Variants in RMDN2 observed in about 807,000 individuals in gnomAD.
RMDN2 encodes regulator of microtubule dynamics protein 2.
A neutral mutation model predicts 52.8 loss-of-function variants in RMDN2; 61 were observed. The ratio of observed to expected loss-of-function variants is 1.16; its 90% CI spans 0.94 to 1.43. RMDN2 has a LOEUF of 1.43. RMDN2 is among the 40% of genes most tolerant of loss of function. RMDN2 has a pLI of 0.00. For synonymous variants in RMDN2, 180 were observed against 153.1 expected (o/e 1.18, Z -1.30); for missense variants, 592 against 475.3 (o/e 1.25, Z -2.28).
chr2:37,981,098 C>A (rs1384320689), intron 4 of RMDN2, among the ~76,000 whole-genome samples, 185 bp from the exon 5 acceptor site: 1 of 152,100 alleles, frequency 6.6e-6, no homozygotes, highest in Non-Finnish European at 1.5e-5. Context: ...ATTATTGGGC[C>A]CCAATCCCAC....
chr2:37,935,811 C>A (rs1667239469), intron 2 of RMDN2, among the ~76,000 whole-genome samples: 1 of 151,888 alleles, frequency 6.6e-6, no homozygotes, highest in African/African-American at 2.4e-5. Flanking sequence ...TTATTTCATT[C>A]TTTTTAAGTG....
chr2:38,005,541 A>G (rs1676957528), intron 10 of RMDN2, among the ~76,000 whole-genome samples: 1 of 151,742 alleles, frequency 6.6e-6, no homozygotes, highest in Non-Finnish European at 1.5e-5. Flanking sequence ...CCACTTTTTG[A>G]TGGGGTTGTT....
intron 8 of RMDN2, among the ~76,000 whole-genome samples, chr2:38,000,348 A>T (rs1395876398): frequency 6.6e-6 from 1 of 152,244 alleles, no homozygotes; most frequent in East Asian, 1.9e-4. Flanking sequence ...CTTGAAGTAT[A>T]GTTTATAAGC....
At chr2:38,015,521 C>T (rs566675951) in intron 10 of RMDN2, among the ~76,000 whole-genome samples, 17 of 150,064 alleles carry the variant, frequency 1.1e-4, no homozygotes, top group African/African-American at 3.7e-4. Flanking sequence ...GCGGAGATTG[C>T]GCCACTGCAC....
intron 2 of RMDN2, among the ~76,000 whole-genome samples, chr2:37,934,684 A>C (rs1667141090): frequency 6.6e-6 from 1 of 152,166 alleles, no homozygotes; most frequent in Non-Finnish European, 1.5e-5. Context: ...AGGGAGGATG[A>C]TATCAGAGGC....
intron 7 of RMDN2, 97 bp downstream of exon 7, chr2:37,991,394 T>A (rs1000722562): frequency 2.1e-6 from 1 of 471,206 alleles, no homozygotes; most frequent in Non-Finnish European, 3.7e-6. Flanking sequence ...ACCCAGTGCC[T>A]ACTTTAGGGA....
chr2:37,964,625 A>G lies in RMDN2; in HGVS notation c.453-9415A>G, dbSNP rs75236252. On this transcript the variant is annotated intron_variant, in intron 2 of 10. Coordinates refer to ENST00000354545, the MANE Select transcript of RMDN2 (RefSeq NM_001170791.3). ...ATATTATCTACTTGGAGAATATTCC[A>G]CATGCATTGGAGACGAATGTGTATT... Among the ~76,000 whole-genome samples, 138 of 152,258 alleles carry G rather than the reference A, an allele frequency of 9.1e-4. 2 individuals are homozygous for G. The East Asian group carries it at 0.022, about 25-fold the overall frequency.
chr2:37,933,729 C>A (rs145589209), intron 2 of RMDN2, among the ~76,000 whole-genome samples: 1,702 of 152,250 alleles, frequency 0.011, 31 homozygotes, highest in African/African-American at 0.039. Context: ...GCAGTACCAT[C>A]CAGCTTCGGC....
intron 10 of RMDN2, among the ~76,000 whole-genome samples, chr2:38,035,052 G>T (rs571578078): frequency 2.0e-5 from 3 of 152,132 alleles, no homozygotes; most frequent in African/African-American, 4.8e-5. Context: ...AACAGAATAT[G>T]GTAAGTATCA....
At chr2:38,053,657 C>T (rs1377443965) in intron 10 of RMDN2, among the ~76,000 whole-genome samples, 1 of 152,092 alleles carries the variant, frequency 6.6e-6, no homozygotes, top group Non-Finnish European at 1.5e-5. Context: ...ATTTAGATCC[C>T]AAATGGTTCA....
At chr2:37,957,310 CA>C (rs1669606473) in intron 2 of RMDN2, among the ~76,000 whole-genome samples, 1 of 152,204 alleles carries the variant, frequency 6.6e-6, no homozygotes, top group Admixed American at 6.5e-5. Flanking sequence ...ACATCCTCTC[CA>C]GCATCTGTTG....
At chr2:38,028,379 A>G (rs146422969) in intron 10 of RMDN2, among the ~76,000 whole-genome samples, 8 of 152,290 alleles carry the variant, frequency 5.3e-5, no homozygotes, top group East Asian at 3.9e-4. Flanking sequence ...TTTCTTTTAC[A>G]TACTCTTTGT....
chr2:38,025,920 A>T (rs1158873557), intron 10 of RMDN2, among the ~76,000 whole-genome samples: 2 of 152,026 alleles, frequency 1.3e-5, no homozygotes, highest in Non-Finnish European at 2.9e-5. Flanking sequence ...TTTCTTGTAA[A>T]GTCTTTTTCT....
chr2:37,935,532 C>A (rs1667212813), intron 2 of RMDN2, among the ~76,000 whole-genome samples: 1 of 152,138 alleles, frequency 6.6e-6, no homozygotes, highest in South Asian at 2.1e-4. Flanking sequence ...TACTTCTGAT[C>A]TTTTAAAAAA....
intron 2 of RMDN2, among the ~76,000 whole-genome samples, chr2:37,970,932 T>C (rs1462643815): frequency 1.3e-5 from 2 of 151,860 alleles, no homozygotes; most frequent in South Asian, 4.2e-4. Flanking sequence ...TGTTAAGAGT[T>C]TTATATATAT....
chr2:38,023,920 C>G (rs752723127), intron 10 of RMDN2, among the ~76,000 whole-genome samples: 13 of 152,054 alleles, frequency 8.5e-5, no homozygotes, highest in Non-Finnish European at 1.5e-4. Flanking sequence ...TTCTTCATGC[C>G]CCTTGGTAAT....
At position 37,935,789 on chromosome 2, in the gene RMDN2, A is replaced by G. The variant is rs1358967127; in HGVS notation, c.452+6060A>G. On this transcript the variant is annotated intron_variant, in intron 2 of 10. Transcript: ENST00000354545. ...TTGAGTTTTTTCCATATTGATATGT[A>G]TATATATAAAATTATTTCATTCTTT... is the stretch of plus-strand genomic sequence containing the variant. Among the ~76,000 whole-genome samples the G allele has an allele frequency of 2.6e-5, 4 of 152,284 alleles. No homozygotes were observed. In the East Asian group the frequency reaches 5.8e-4, roughly 22 times the overall value.
intron 10 of RMDN2, among the ~76,000 whole-genome samples, chr2:38,026,123 G>C (rs1442952177): frequency 6.6e-6 from 1 of 152,092 alleles, no homozygotes; most frequent in Non-Finnish European, 1.5e-5. Context: ...TTCAACTTCA[G>C]TTCTTTTAAG....
chr2:37,927,986 A>G (rs1239591021), intron 1 of RMDN2, among the ~76,000 whole-genome samples: 1 of 152,224 alleles, frequency 6.6e-6, no homozygotes, highest in Non-Finnish European at 1.5e-5. Flanking sequence ...AGTTAATTCC[A>G]GGCAAATTTC....
Sources: gnomAD v4.1 joint callset for allele counts (sites outside exome capture counted in the v4.1 genomes callset) on GRCh38, gnomAD v4.1.1 for gene constraint, MANE v1.5 for transcripts, NCBI Gene and HGNC (gene_info 2026-07-23, HGNC 2026-07-21) for gene names.